Variants in UTRN observed in about 807,000 individuals in gnomAD.
UTRN encodes utrophin.
Under a neutral mutation model 463.9 loss-of-function variants are expected in UTRN, and 283 were observed. That is an observed-to-expected ratio of 0.61 (90% CI 0.55 to 0.67). UTRN has a LOEUF of 0.67. Among genes scored for constraint, UTRN ranks in the 30% least tolerant of loss-of-function variants. The probability of loss-of-function intolerance (pLI) is 0.00; values close to 1 mark genes in which losing one functional copy is unlikely to be tolerated. For missense variants in UTRN, 3,922 were observed against 4,084.3 expected, an observed-to-expected ratio of 0.96 and a Z score of 1.08; for synonymous variants, 1,442 against 1,431.5, an observed-to-expected ratio of 1.01 and a Z score of -0.17.
At chr6:144,393,067 C>A (rs757739521) in intron 2 of UTRN, among the ~76,000 whole-genome samples, 1 of 151,668 alleles carries the variant, frequency 6.6e-6, no homozygotes, top group Non-Finnish European at 1.5e-5. Flanking sequence ...ATCCATCCAT[C>A]CCTTTATCTT....
chr6:144,839,149 T>C (rs1213104317), intron 71 of UTRN, 24 bp from the exon 72 acceptor site: 1 of 1,578,422 alleles, frequency 6.3e-7, no homozygotes, highest in Non-Finnish European at 8.7e-7. Flanking sequence ...CTTTCTCTGC[T>C]TTAACCTCTG....
At chr6:144,808,707 T>C (rs1443037317) in intron 65 of UTRN, among the ~76,000 whole-genome samples, 3 of 151,902 alleles carry the variant, frequency 2.0e-5, no homozygotes, top group Admixed American at 6.6e-5. Flanking sequence ...ACCATTCTAC[T>C]CTGTGCTACT....
chr6:144,565,747 G>A (rs1216200202), intron 50 of UTRN, among the ~76,000 whole-genome samples: 1 of 152,160 alleles, frequency 6.6e-6, no homozygotes, highest in Non-Finnish European at 1.5e-5. Flanking sequence ...CATTCCTGGT[G>A]ATTTTGGAAA....
Position 144,314,103 on chromosome 6 carries a change from TA to T in UTRN, c.79+22203del, listed in dbSNP as rs1315443359. Among the ~76,000 whole-genome samples the T allele has an allele frequency of 2.6e-5, 4 of 151,880 alleles. 1 individual carries two copies. In the East Asian group the frequency reaches 7.7e-4, roughly 29 times the overall value. ...ATTTAGCTTAATGTTTTCAACAGCT[TA>T]AAAAAAGAGAAAAAACAACCTTTGA... On this transcript the variant is annotated intron_variant, in intron 2 of 74. Coordinates refer to ENST00000367545, the MANE Select transcript of UTRN (RefSeq NM_007124.3).
chr6:144,654,351 C>T (rs572556538), intron 51 of UTRN, among the ~76,000 whole-genome samples: 44 of 152,102 alleles, frequency 2.9e-4, no homozygotes, highest in Admixed American at 1.1e-3. Flanking sequence ...TAGCTGATCG[C>T]GTGGGGTTAG....
intron 2 of UTRN, among the ~76,000 whole-genome samples, chr6:144,325,354 G>A (rs973199703): frequency 6.6e-6 from 1 of 152,142 alleles, no homozygotes; most frequent in African/African-American, 2.4e-5. Flanking sequence ...ATAAAAGTGA[G>A]TTTGACTCTC....
intron 32 of UTRN, 48 bp from the exon 33 acceptor site, chr6:144,493,253 G>A: frequency 6.3e-7 from 1 of 1,593,804 alleles, no homozygotes; most frequent in Non-Finnish European, 8.6e-7. Flanking sequence ...CAGTTGGCAA[G>A]TTGTCACCAC....
At position 144,751,916 on chromosome 6, in the gene UTRN, GCTAGATGAC is replaced by G; in HGVS notation, c.8322_8330del (p.Asp2775_Leu2777del). On this transcript the variant is annotated inframe_deletion, in exon 56 of 75. Transcript: ENST00000367545. ...ATCCCTCTCTAAAGATGTCTCGCCA[GCTAGATGAC>G]CTTAATATGCGATGGAAACTTTTAC... The G allele has an allele frequency of 6.2e-7, 1 of 1,611,150 alleles. No homozygotes were observed. Among genetic ancestry groups the G allele is most frequent in the Non-Finnish European group, 8.5e-7 (1 of 1,178,680 alleles).
At chr6:144,368,716 G>A (rs185437193) in intron 2 of UTRN, among the ~76,000 whole-genome samples, 91 of 152,222 alleles carry the variant, frequency 6.0e-4, no homozygotes, top group Non-Finnish European at 8.4e-4. Flanking sequence ...GGAGGTTGCA[G>A]TGAGCCCAAA....
chr6:144,663,821 C>T (rs954891802), intron 51 of UTRN, among the ~76,000 whole-genome samples: 1 of 152,150 alleles, frequency 6.6e-6, no homozygotes, highest in African/African-American at 2.4e-5. Context: ...TTTATAATTA[C>T]AATTTGAAGC....
chr6:144,646,211 A>G (rs1778287485), intron 51 of UTRN, among the ~76,000 whole-genome samples: 1 of 152,216 alleles, frequency 6.6e-6, no homozygotes, highest in South Asian at 2.1e-4. Flanking sequence ...TTATTGAGGC[A>G]TGTTTTTCCA....
intron 2 of UTRN, among the ~76,000 whole-genome samples, chr6:144,330,151 A>G (rs1022455352): frequency 3.9e-5 from 6 of 152,190 alleles, no homozygotes; most frequent in African/African-American, 1.2e-4. Flanking sequence ...TCCATAGTTC[A>G]AGGTGGTGGA....
rs1206621969 is a variant in UTRN, at chr6:144,398,471, C to T, written c.80-4652C>T. On this transcript the variant is annotated intron_variant, in intron 2 of 74. Transcript: ENST00000367545. ...GGAAGCATGTGCTGGCATTTTTTTC[C>T]CTCCAATTATTGGTTATCCAGGACA... 12 of 371,992 alleles carry T rather than the reference C, an allele frequency of 3.2e-5. No individual in the cohort carries two copies. In the East Asian group the frequency reaches 7.3e-4, roughly 23 times the overall value. The allele number at this position is 371,992 out of a possible 1,614,324, so 23.0% of individuals were successfully genotyped here.
chr6:144,580,337 A>G (rs1801852044), intron 51 of UTRN, among the ~76,000 whole-genome samples: 1 of 152,156 alleles, frequency 6.6e-6, no homozygotes, highest in African/African-American at 2.4e-5. Flanking sequence ...TACTTAGCTG[A>G]CACATTCGCT....
intron 46 of UTRN, among the ~76,000 whole-genome samples, chr6:144,543,809 A>G (rs1305213977): frequency 2.7e-5 from 4 of 150,034 alleles, no homozygotes; most frequent in African/African-American, 7.4e-5. Flanking sequence ...GACAGACAAT[A>G]TATTTTTTTT....
intron 2 of UTRN, among the ~76,000 whole-genome samples, chr6:144,319,337 C>T (rs894161239): frequency 6.6e-6 from 1 of 152,050 alleles, no homozygotes; most frequent in African/African-American, 2.4e-5. Flanking sequence ...TTGGCAGAGA[C>T]TTCGACACTT....
chr6:144,457,376 A>C (rs558316468), intron 19 of UTRN, among the ~76,000 whole-genome samples: 2 of 152,268 alleles, frequency 1.3e-5, no homozygotes, highest in South Asian at 4.1e-4. Context: ...CCATCTCAGA[A>C]ATTTTATTTA....
chr6:144,592,270 T>C (rs1562619133), intron 51 of UTRN, among the ~76,000 whole-genome samples: 1 of 152,210 alleles, frequency 6.6e-6, no homozygotes, highest in African/African-American at 2.4e-5. Flanking sequence ...CTATGATCCT[T>C]ATACATCATT....
chr6:144,821,447 ATACT>A (rs1330061982), intron 66 of UTRN, among the ~76,000 whole-genome samples: 7 of 151,992 alleles, frequency 4.6e-5, no homozygotes, highest in African/African-American at 1.4e-4. Context: ...TTTATTAATA[ATACT>A]TAATCTGTTG....
Sources: allele counts gnomAD v4.1 joint callset (sites outside exome capture counted in the v4.1 genomes callset), GRCh38; gene constraint gnomAD v4.1.1; transcripts MANE v1.5; gene names NCBI Gene and HGNC (gene_info 2026-07-23, HGNC 2026-07-21).